The following LHFPL3 variants were observed in gnomAD, a reference collection of about 807,000 sequenced individuals.
LHFPL3 encodes LHFPL tetraspan subfamily member 3 protein.
A neutral mutation model predicts 19.3 loss-of-function variants in LHFPL3; 5 were observed. The observed-to-expected ratio is 0.26, with a 90% CI of 0.14 to 0.54. The LOEUF is 0.54. Ranked by LOEUF, LHFPL3 falls within the 20% of genes least tolerant of loss-of-function variation. LHFPL3 has a pLI of 0.94. For synonymous variants in LHFPL3, 133 were observed against 126.2 expected (o/e 1.05, Z -0.36); for missense variants, 249 against 307.4 (o/e 0.81, Z 1.42).
chr7:104,453,996 C>T lies in LHFPL3; in HGVS notation c.445+124772C>T, dbSNP rs191301479. On this transcript the variant is annotated intron_variant, in intron 1 of 2. Coordinates refer to ENST00000424859, the MANE Select transcript of LHFPL3 (RefSeq NM_199000.3). The stretch of plus-strand genomic sequence containing the variant: ...TAAATTCTTTTCTTTATAAACTACC[C>T]GGGCTCAGATATTTCTTTATAGCAA... Among the ~76,000 whole-genome samples, 244 of 152,222 alleles carry T rather than the reference C, an allele frequency of 1.6e-3. 2 individuals are homozygous for T. Among genetic ancestry groups the T allele is most frequent in the Admixed American group, 3.5e-3 (53 of 15,274 alleles).
intron 1 of LHFPL3, among the ~76,000 whole-genome samples, chr7:104,371,723 T>C (rs1419606072): frequency 6.6e-6 from 1 of 152,222 alleles, no homozygotes; most frequent in Non-Finnish European, 1.5e-5. Flanking sequence ...GGTCCTCTTA[T>C]GCTTAGAATT....
intron 2 of LHFPL3, among the ~76,000 whole-genome samples, chr7:104,751,381 T>A (rs974121770): frequency 7.3e-5 from 11 of 151,478 alleles, no homozygotes; most frequent in African/African-American, 2.7e-4. Flanking sequence ...AGGCACTTCC[T>A]GGGTCTTGGA....
At chr7:104,513,915 T>G (rs1793869555) in intron 1 of LHFPL3, among the ~76,000 whole-genome samples, 1 of 152,180 alleles carries the variant, frequency 6.6e-6, no homozygotes, top group African/African-American at 2.4e-5. Flanking sequence ...ACACTTATGT[T>G]TGTTTCAAAT....
intron 2 of LHFPL3, among the ~76,000 whole-genome samples, chr7:104,744,580 G>A (rs546946683): frequency 6.6e-6 from 1 of 152,278 alleles, no homozygotes; most frequent in East Asian, 1.9e-4. Context: ...TATTCATGCT[G>A]CTTCTAATTC....
intron 1 of LHFPL3, among the ~76,000 whole-genome samples, chr7:104,674,316 A>G (rs1246224592): frequency 6.6e-6 from 1 of 151,614 alleles, no homozygotes; most frequent in Non-Finnish European, 1.5e-5. Context: ...AATATATTTG[A>G]CCATTTGATT....
intron 1 of LHFPL3, among the ~76,000 whole-genome samples, chr7:104,392,872 A>G (rs1451874829): frequency 6.6e-6 from 1 of 152,120 alleles, no homozygotes; most frequent in African/African-American, 2.4e-5. Flanking sequence ...CGAGCCTGTT[A>G]TTGGTCTATT....
chr7:104,508,617 AAT>A (rs71155503), intron 1 of LHFPL3, among the ~76,000 whole-genome samples: 42,109 of 123,904 alleles, frequency 0.34, 6,445 homozygotes, highest in Middle Eastern at 0.42. Flanking sequence ...AATAAAAAAA[AAT>A]ATATATATAT....
chr7:104,565,518 G>C (rs115362315), intron 1 of LHFPL3, among the ~76,000 whole-genome samples: 2,090 of 152,256 alleles, frequency 0.014, 44 homozygotes, highest in African/African-American at 0.048. Flanking sequence ...AGAAGAGAAG[G>C]AATTGACAGG....
intron 1 of LHFPL3, among the ~76,000 whole-genome samples, chr7:104,607,696 C>T (rs976213838): frequency 6.6e-6 from 1 of 152,094 alleles, no homozygotes; most frequent in Non-Finnish European, 1.5e-5. Context: ...AAACTACCGT[C>T]AGAGTGAATA....
At chr7:104,475,139 T>C (rs1412280825) in intron 1 of LHFPL3, among the ~76,000 whole-genome samples, 1 of 152,220 alleles carries the variant, frequency 6.6e-6, no homozygotes, top group Non-Finnish European at 1.5e-5. Flanking sequence ...ATTCATTTAC[T>C]AAGTTCTTAG....
intron 1 of LHFPL3, among the ~76,000 whole-genome samples, chr7:104,390,200 T>C (rs924562620): frequency 6.6e-6 from 1 of 152,036 alleles, no homozygotes; most frequent in Non-Finnish European, 1.5e-5. Flanking sequence ...TTTTTATTTT[T>C]ATTATACTTT....
intron 1 of LHFPL3, among the ~76,000 whole-genome samples, chr7:104,548,308 T>G (rs1794607732): frequency 6.6e-6 from 1 of 152,066 alleles, no homozygotes; most frequent in Admixed American, 6.6e-5. Flanking sequence ...AAAATGAAAG[T>G]AAGAGAAAAA....
intron 1 of LHFPL3, among the ~76,000 whole-genome samples, chr7:104,563,027 C>T (rs1790041212): frequency 1.3e-5 from 2 of 152,240 alleles, no homozygotes; most frequent in South Asian, 2.1e-4. Context: ...CTTGAGGAGA[C>T]AGTCTGCCCA....
chr7:104,365,801 A>AAAAAAAAAAAAAAAG (rs893610992), intron 1 of LHFPL3, among the ~76,000 whole-genome samples: 29 of 142,278 alleles, frequency 2.0e-4, no homozygotes, highest in Middle Eastern at 3.9e-3. Flanking sequence ...AAAAAAAAAA[A>AAAAAAAAAAAAAAAG]AAAAGAAAAG....
chr7:104,642,930 C>T lies in LHFPL3; in HGVS notation c.446-93745C>T, dbSNP rs1054534570. ...GTTATTGTTTTAATCTTGTGATACA[C>T]AGTGATTTTTCAGTTTTCTCCAGTT... On this transcript the variant is annotated intron_variant, in intron 1 of 2. Coordinates refer to ENST00000424859, the MANE Select transcript of LHFPL3 (RefSeq NM_199000.3). Among the ~76,000 whole-genome samples, 4 of 152,334 alleles carry T rather than the reference C, an allele frequency of 2.6e-5. No individual in the cohort carries two copies. The East Asian group carries it at 7.7e-4, about 29-fold the overall frequency.
intron 1 of LHFPL3, among the ~76,000 whole-genome samples, chr7:104,721,447 G>C (rs942075883): frequency 1.3e-5 from 2 of 152,056 alleles, no homozygotes; most frequent in Non-Finnish European, 2.9e-5. Context: ...TAAATGATGA[G>C]TTGATGGGTG....
chr7:104,430,454 A>ATTTTTT (rs1172420054), intron 1 of LHFPL3, among the ~76,000 whole-genome samples: 4 of 15,288 alleles, frequency 2.6e-4, no homozygotes, highest in African/African-American at 1.1e-3. Flanking sequence ...ATATATATAT[A>ATTTTTT]TTTTTTTTTT....
At chr7:104,892,375 CAGAAAA>C (rs1792265930) in intron 2 of LHFPL3, among the ~76,000 whole-genome samples, 2 of 151,986 alleles carry the variant, frequency 1.3e-5, no homozygotes, top group Non-Finnish European at 2.9e-5. Flanking sequence ...AAAATAAAAA[CAGAAAA>C]AGAAAAATCA....
At chr7:104,801,761 G>A (rs752328119) in intron 2 of LHFPL3, among the ~76,000 whole-genome samples, 5 of 151,842 alleles carry the variant, frequency 3.3e-5, no homozygotes, top group Non-Finnish European at 5.9e-5. Context: ...TAGTAGAGAC[G>A]GGGTTTCACC....
Sources: allele counts gnomAD v4.1 joint callset (sites outside exome capture counted in the v4.1 genomes callset), GRCh38; gene constraint gnomAD v4.1.1; transcripts MANE v1.5; gene names NCBI Gene and HGNC (gene_info 2026-07-23, HGNC 2026-07-21).